The following CSMD1 variants were observed in gnomAD, a reference collection of about 807,000 sequenced individuals.
CSMD1 encodes the protein CUB and sushi domain-containing protein 1.
In CSMD1, 213 loss-of-function variants were observed where a neutral mutation model predicts 417.5. That is an observed-to-expected ratio of 0.51 (90% CI 0.46 to 0.57). The LOEUF (loss-of-function observed/expected upper bound fraction) is 0.57, where lower values mean the gene tolerates loss of function less well. CSMD1 is among the 20% of genes least tolerant of loss of function. The pLI, the probability that CSMD1 is intolerant of heterozygous loss-of-function variation, is 0.00. For missense variants in CSMD1, 6,923 were observed against 4,529.7 expected (o/e 1.53, Z -15.17); for synonymous variants, 2,862 against 1,736.8 (o/e 1.65, Z -16.11).
chr8:4,962,937 T>C (rs565625539), intron 1 of CSMD1, among the ~76,000 whole-genome samples: 1 of 152,232 alleles, frequency 6.6e-6, no homozygotes, highest in Admixed American at 6.5e-5. Flanking sequence ...GGATGAGAGA[T>C]GGGAGGAGAA....
rs548691386 is a variant in CSMD1 at position 4,004,823 on chromosome 8, T to C, written c.611-6713A>G. ...GCAGTGGCGCGATCTTGGCTCACTG[T>C]AAGCTCCGCCTCCCGGGTTCACGCC... On this transcript the variant is annotated intron_variant, in intron 4 of 69. Coordinates refer to ENST00000635120, the MANE Select transcript of CSMD1 (RefSeq NM_033225.6). Among the ~76,000 whole-genome samples the C allele has an allele frequency of 4.9e-3, 750 of 152,092 alleles. 4 individuals carry two copies. Among genetic ancestry groups the C allele is most frequent in the African/African-American group, 9.2e-3 (381 of 41,514 alleles).
At chr8:4,090,504 T>C (rs533685546) in intron 3 of CSMD1, among the ~76,000 whole-genome samples, 10 of 152,346 alleles carry the variant, frequency 6.6e-5, no homozygotes, top group African/African-American at 2.4e-4. Flanking sequence ...CTCCTACTGC[T>C]TCATGGAAAG....
At chr8:4,200,167 C>G (rs562980186) in intron 3 of CSMD1, among the ~76,000 whole-genome samples, 2 of 152,262 alleles carry the variant, frequency 1.3e-5, no homozygotes, top group African/African-American at 2.4e-5. Flanking sequence ...TGCAAAAGCT[C>G]CTTTTTAACT....
chr8:3,611,655 A>T (rs1325959914), intron 8 of CSMD1, among the ~76,000 whole-genome samples: 1 of 152,168 alleles, frequency 6.6e-6, no homozygotes, highest in Admixed American at 6.6e-5. Flanking sequence ...ATCTATCATC[A>T]TGAGTTTGAC....
intron 3 of CSMD1, among the ~76,000 whole-genome samples, chr8:4,321,211 A>G (rs763711547): frequency 2.0e-5 from 3 of 152,100 alleles, no homozygotes; most frequent in Admixed American, 1.3e-4. Context: ...TGTCCAGTGC[A>G]TGAACACGTT....
At chr8:4,097,099 G>C (rs118048454) in intron 3 of CSMD1, among the ~76,000 whole-genome samples, 42 of 152,158 alleles carry the variant, frequency 2.8e-4, no homozygotes, top group Non-Finnish European at 5.3e-4. Context: ...AAGAAGCACG[G>C]CTGTGCCTTC....
intron 3 of CSMD1, among the ~76,000 whole-genome samples, chr8:4,405,140 G>C (rs1412763267): frequency 1.3e-5 from 2 of 152,158 alleles, no homozygotes; most frequent in African/African-American, 2.4e-5. Flanking sequence ...ATTTCACATA[G>C]GAGAAGTACT....
chr8:3,007,275 C>A (rs1273980957), intron 52 of CSMD1, among the ~76,000 whole-genome samples: 1 of 151,432 alleles, frequency 6.6e-6, no homozygotes, highest in Non-Finnish European at 1.5e-5. Flanking sequence ...CAGGAAACAA[C>A]AGGTGCTGGA....
At chr8:4,334,306 C>T (rs1002523511) in intron 3 of CSMD1, among the ~76,000 whole-genome samples, 5 of 152,054 alleles carry the variant, frequency 3.3e-5, no homozygotes, top group African/African-American at 1.2e-4. Flanking sequence ...TCCAGGTATT[C>T]CTGGGAAGGT....
chr8:3,839,934 T>C (rs1361857334), intron 5 of CSMD1, among the ~76,000 whole-genome samples: 1 of 152,060 alleles, frequency 6.6e-6, no homozygotes, highest in Non-Finnish European at 1.5e-5. Context: ...GATGCAGTGA[T>C]CTTCTGCTCT....
chr8:3,413,221 T>G (rs1220750307), intron 12 of CSMD1, among the ~76,000 whole-genome samples: 1 of 152,196 alleles, frequency 6.6e-6, no homozygotes, highest in Non-Finnish European at 1.5e-5. Context: ...GATACTAAAG[T>G]TTACAATTTC....
intron 4 of CSMD1, among the ~76,000 whole-genome samples, chr8:4,031,559 T>C (rs947930658): frequency 6.6e-6 from 1 of 152,154 alleles, no homozygotes; most frequent in Non-Finnish European, 1.5e-5. Flanking sequence ...AACATGAGGT[T>C]TGGGTGAGGA....
chr8:4,083,759 A>C (rs954671631), intron 3 of CSMD1, among the ~76,000 whole-genome samples: 1 of 152,202 alleles, frequency 6.6e-6, no homozygotes, highest in Non-Finnish European at 1.5e-5. Context: ...CCTAGGCATT[A>C]CCATTCAGGA....
intron 23 of CSMD1, among the ~76,000 whole-genome samples, chr8:3,313,948 T>C (rs1257814195): frequency 6.6e-6 from 1 of 152,018 alleles, no homozygotes; most frequent in Non-Finnish European, 1.5e-5. Flanking sequence ...CCATAAAAAA[T>C]GATGAGTTCA....
At chr8:4,127,871 C>T (rs1042469911) in intron 3 of CSMD1, among the ~76,000 whole-genome samples, 2 of 152,138 alleles carry the variant, frequency 1.3e-5, no homozygotes, top group African/African-American at 4.8e-5. Flanking sequence ...AACCCAGACA[C>T]TGCCAGCAAA....
intron 7 of CSMD1, among the ~76,000 whole-genome samples, chr8:3,696,857 C>A (rs929708545): frequency 6.6e-6 from 1 of 152,144 alleles, no homozygotes; most frequent in Admixed American, 6.5e-5. Flanking sequence ...TCCCTTATTT[C>A]TATATTAGTG....
intron 5 of CSMD1, among the ~76,000 whole-genome samples, chr8:3,952,191 C>G (rs1811641727): frequency 6.6e-6 from 1 of 152,090 alleles, no homozygotes; most frequent in African/African-American, 2.4e-5. Context: ...TTCATGGTGT[C>G]TCCGAGGTGA....
chr8:4,363,994 G>A (rs946951519), intron 3 of CSMD1, among the ~76,000 whole-genome samples: 4 of 152,110 alleles, frequency 2.6e-5, no homozygotes, highest in African/African-American at 9.7e-5. Context: ...ATAACAGGTT[G>A]ACTGACTGTA....
chr8:4,061,161 C>A (rs570944445), intron 3 of CSMD1, among the ~76,000 whole-genome samples: 1 of 152,126 alleles, frequency 6.6e-6, no homozygotes, highest in African/African-American at 2.4e-5. Flanking sequence ...TTGCCCCTTA[C>A]GATGGAAAAT....
Sources: gnomAD v4.1 joint callset for allele counts (sites outside exome capture counted in the v4.1 genomes callset) on GRCh38, gnomAD v4.1.1 for gene constraint, MANE v1.5 for transcripts, NCBI Gene and HGNC (gene_info 2026-07-23, HGNC 2026-07-21) for gene names.